MYO9A: variants seen among roughly 807,000 people sequenced by gnomAD.
MYO9A encodes myosin IXA.
A neutral mutation model predicts 293.3 loss-of-function variants in MYO9A; 103 were observed. The ratio of observed to expected loss-of-function variants is 0.35; its 90% CI spans 0.30 to 0.41. The LOEUF is 0.41. Ranked by LOEUF, MYO9A falls within the 10% of genes least tolerant of loss-of-function variation. The pLI is 1.00. For missense variants in MYO9A, 2,685 were observed against 3,033.0 expected (o/e 0.89, Z 2.69); for synonymous variants, 1,001 against 1,035.7 (o/e 0.97, Z 0.64).
At chr15:71,879,695 A>T (rs776724700) in intron 30 of MYO9A, 26 bp downstream of exon 30, 1 of 1,516,402 alleles carries the variant, frequency 6.6e-7, no homozygotes, top group Non-Finnish European at 9.1e-7. Context: ...GAACTACTAA[A>T]TATCTCCTAA....
At chr15:71,988,431 C>T (rs556543384) in intron 11 of MYO9A, among the ~76,000 whole-genome samples, 6 of 152,236 alleles carry the variant, frequency 3.9e-5, no homozygotes, top group African/African-American at 1.2e-4. Context: ...CTACATAACT[C>T]GTAAGTGTTA....
At chr15:72,043,119 C>T (rs1173539837) in intron 2 of MYO9A, among the ~76,000 whole-genome samples, 1 of 151,962 alleles carries the variant, frequency 6.6e-6, no homozygotes, top group African/African-American at 2.4e-5. Flanking sequence ...TAAGTCTAGC[C>T]AGGTTGCAGA....
intron 11 of MYO9A, among the ~76,000 whole-genome samples, chr15:71,987,072 C>G (rs2076425216): frequency 6.6e-6 from 1 of 152,068 alleles, no homozygotes; most frequent in South Asian, 2.1e-4. Flanking sequence ...CAAATACTTA[C>G]CATTGTGTTG....
chr15:71,934,546 T>C (rs2058571898), intron 17 of MYO9A, among the ~76,000 whole-genome samples: 1 of 151,994 alleles, frequency 6.6e-6, no homozygotes, highest in African/African-American at 2.4e-5. Flanking sequence ...GGTCAAACGA[T>C]ATGCTTGGGA....
chr15:71,839,938 T>C (rs1479746763), intron 39 of MYO9A, among the ~76,000 whole-genome samples: 10 of 152,220 alleles, frequency 6.6e-5, no homozygotes, highest in African/African-American at 1.9e-4. Context: ...CATTTGTAAG[T>C]AGTTATGAAA....
chr15:71,845,558 G>C (rs2055348352), intron 39 of MYO9A, among the ~76,000 whole-genome samples: 1 of 152,140 alleles, frequency 6.6e-6, no homozygotes, highest in South Asian at 2.1e-4. Context: ...TTCACTTGTT[G>C]ACATCTGTAC....
intron 14 of MYO9A, 117 bp downstream of exon 14, chr15:71,959,784 G>C: frequency 1.1e-6 from 1 of 889,570 alleles, no homozygotes; most frequent in Non-Finnish European, 1.7e-6. Context: ...TACAGAAGCA[G>C]GATTTTTGTC....
intron 9 of MYO9A, among the ~76,000 whole-genome samples, chr15:71,998,058 C>T (rs1197754778): frequency 3.3e-5 from 5 of 152,150 alleles, no homozygotes; most frequent in Non-Finnish European, 7.3e-5. Flanking sequence ...ATAGCAAAGA[C>T]ATGGAATCAA....
chr15:72,043,436 C>G (rs979493437), intron 2 of MYO9A, among the ~76,000 whole-genome samples: 2 of 152,022 alleles, frequency 1.3e-5, no homozygotes, highest in Non-Finnish European at 2.9e-5. Flanking sequence ...AAAAACAACC[C>G]ATATATCCAT....
rs1299869391 is a variant in MYO9A at position 71,833,588 on chromosome 15, T to G, written c.6838-3277A>C. 3.3e-5 allele frequency among the ~76,000 whole-genome samples: 5 copies of G among 152,058 alleles called. No individual in the cohort carries two copies. The East Asian group carries it at 9.6e-4, about 29-fold the overall frequency. On this transcript the variant is annotated intron_variant, in intron 39 of 41. Transcript: ENST00000356056. The stretch of plus-strand genomic sequence containing the variant: ...GTAAAACTGAACTTGATATAAGCAA[T>G]CTAACAGACATATACAGACTTCAGT...
At chr15:71,925,807 T>G (rs909204521) in intron 18 of MYO9A, among the ~76,000 whole-genome samples, 1 of 152,228 alleles carries the variant, frequency 6.6e-6, no homozygotes, top group Non-Finnish European at 1.5e-5. Context: ...TTTAAAAGAC[T>G]ATATGCCACC....
At chr15:72,111,769 T>C in intron 1 of MYO9A, among the ~76,000 whole-genome samples, 1 of 151,820 alleles carries the variant, frequency 6.6e-6, no homozygotes. Context: ...CCCAAGTAGC[T>C]AGGACCATAG....
At chr15:71,834,606 TAA>T (rs528666742) in intron 39 of MYO9A, among the ~76,000 whole-genome samples, 6 of 142,436 alleles carry the variant, frequency 4.2e-5, no homozygotes, top group Non-Finnish European at 3.1e-5. Flanking sequence ...ACCCCTTCTC[TAA>T]AAAAAAAAAA....
intron 33 of MYO9A, among the ~76,000 whole-genome samples, chr15:71,860,942 G>A (rs2056090547): frequency 8.4e-6 from 1 of 119,008 alleles, no homozygotes; most frequent in Admixed American, 9.7e-5. Context: ...ACTCCAGTCT[G>A]GGCAACAAAG....
At chr15:71,916,950 C>T (rs1229458468) in intron 18 of MYO9A, among the ~76,000 whole-genome samples, 2 of 152,188 alleles carry the variant, frequency 1.3e-5, no homozygotes, top group Non-Finnish European at 2.9e-5. Context: ...CAGCTTAGCC[C>T]TGGAGCAAAT....
chr15:71,965,256 A>AGT (rs1482764827), intron 13 of MYO9A, among the ~76,000 whole-genome samples: 1 of 152,082 alleles, frequency 6.6e-6, no homozygotes, highest in African/African-American at 2.4e-5. Context: ...CCTATTTAAC[A>AGT]GTGCTATTTG....
chr15:71,915,694 C>T (rs1462980321), intron 19 of MYO9A, among the ~76,000 whole-genome samples: 2 of 152,046 alleles, frequency 1.3e-5, no homozygotes, highest in East Asian at 3.9e-4. Flanking sequence ...AATTTTTATA[C>T]AACAGTGAAC....
At chr15:72,075,975 G>T (rs1224497885) in intron 1 of MYO9A, among the ~76,000 whole-genome samples, 1 of 152,048 alleles carries the variant, frequency 6.6e-6, no homozygotes, top group Admixed American at 6.6e-5. Context: ...GCAATAAAAA[G>T]AACTGAAGGC....
At chr15:72,101,613 G>A (rs1320762165) in intron 1 of MYO9A, among the ~76,000 whole-genome samples, 18 of 137,294 alleles carry the variant, frequency 1.3e-4, no homozygotes, top group African/African-American at 3.9e-4. Flanking sequence ...CCCTCTGCCC[G>A]GCCAGCCGCC....
Sources: gnomAD v4.1 joint callset for allele counts (sites outside exome capture counted in the v4.1 genomes callset) on GRCh38, gnomAD v4.1.1 for gene constraint, MANE v1.5 for transcripts, NCBI Gene and HGNC (gene_info 2026-07-23, HGNC 2026-07-21) for gene names.